MBNL2: variants seen among roughly 807,000 people sequenced by gnomAD.
MBNL2 encodes muscleblind like splicing regulator 2.
A neutral mutation model predicts 41.9 loss-of-function variants in MBNL2; 17 were observed. The ratio of observed to expected loss-of-function variants is 0.41; its 90% confidence interval spans 0.28 to 0.61. The LOEUF is 0.61. MBNL2 is among the 20% of genes least tolerant of loss of function. The probability of loss-of-function intolerance (pLI) is 0.35; values close to 1 mark genes in which losing one functional copy is unlikely to be tolerated. For synonymous variants in MBNL2, 195 were observed against 182.9 expected (o/e 1.07, Z -0.53); for missense variants, 336 against 505.6 (o/e 0.66, Z 3.22).
the MBNL2 span, among the ~76,000 whole-genome samples, chr13:97,204,046 C>T: frequency 1.3e-5 from 2 of 152,140 alleles, no homozygotes; most frequent in African/African-American, 4.8e-5. Flanking sequence ...TAGTTCAATC[C>T]TTTTTAAGTG....
chr13:97,223,495 T>C (rs2041115556), intron 1 of MBNL2, among the ~76,000 whole-genome samples: 1 of 152,342 alleles, frequency 6.6e-6, no homozygotes, highest in Middle Eastern at 3.4e-3. Flanking sequence ...GAAGCATGTG[T>C]TTACAATAAA....
chr13:97,256,583 T>C (rs1379805515), intron 1 of MBNL2, among the ~76,000 whole-genome samples: 2 of 152,200 alleles, frequency 1.3e-5, no homozygotes, highest in African/African-American at 4.8e-5. Flanking sequence ...AACCAAAATT[T>C]CCATGAGTAA....
At chr13:97,339,046 T>G (rs2061146838) in intron 3 of MBNL2, among the ~76,000 whole-genome samples, 1 of 149,816 alleles carries the variant, frequency 6.7e-6, no homozygotes, top group Non-Finnish European at 1.5e-5. Flanking sequence ...AGTGTATATG[T>G]GCAAGTGTGT....
At position 97,323,084 on chromosome 13, in the gene MBNL2, T is replaced by C. The variant is rs78175671; in HGVS notation, c.175-11192T>C. Among the ~76,000 whole-genome samples, 68 of 152,252 alleles carry C rather than the reference T, an allele frequency of 4.5e-4. 3 individuals carry two copies. The East Asian group carries it at 0.012, about 27-fold the overall frequency. Reference sequence around the variant, plus strand: ...TGTTTTCTACCTGAGATGGAAGTCATTTCCAGTGTTTAAGTAAAATGGCAC... The same window carrying C: ...TGTTTTCTACCTGAGATGGAAGTCACTTCCAGTGTTTAAGTAAAATGGCAC... On this transcript the variant is annotated intron_variant, in intron 2 of 8. Transcript: ENST00000679496.
chr13:97,226,016 T>C (rs971559554), intron 1 of MBNL2, among the ~76,000 whole-genome samples: 3 of 152,148 alleles, frequency 2.0e-5, no homozygotes, highest in Non-Finnish European at 2.9e-5. Context: ...TTTATACTCT[T>C]CTCAGTTTTT....
intron 1 of MBNL2, 97 bp from the exon 2 acceptor site, chr13:97,275,535 G>A: frequency 6.6e-6 from 1 of 152,080 alleles, no homozygotes; most frequent in Non-Finnish European, 1.5e-5. Flanking sequence ...GCTCTAAACT[G>A]TGCTTTTGCA....
At chr13:97,232,213 C>T (rs888506103) in intron 1 of MBNL2, among the ~76,000 whole-genome samples, 1 of 152,136 alleles carries the variant, frequency 6.6e-6, no homozygotes, top group Non-Finnish European at 1.5e-5. Context: ...GTCTGTCCTC[C>T]CTCCTTTCAG....
At chr13:97,361,901 C>G (rs1566441343) in intron 7 of MBNL2, among the ~76,000 whole-genome samples, 1 of 151,268 alleles carries the variant, frequency 6.6e-6, no homozygotes, top group Admixed American at 6.6e-5. Flanking sequence ...TTCCAAGTAG[C>G]TGGGGTTACA....
At chr13:97,249,087 A>C (rs1180603510) in intron 1 of MBNL2, among the ~76,000 whole-genome samples, 1 of 152,250 alleles carries the variant, frequency 6.6e-6, no homozygotes, top group Non-Finnish European at 1.5e-5. Flanking sequence ...TTTTAAAAAC[A>C]CATAATTTCT....
In MBNL2 at chr13:97,262,803, C is replaced by T. The variant is rs796520808; in HGVS notation, c.-604-12829C>T. 7.9e-5 allele frequency among the ~76,000 whole-genome samples: 12 copies of T among 152,030 alleles called. No homozygotes were observed. In the East Asian group the frequency reaches 1.7e-3, roughly 22 times the overall value. ...TTTTTGAGACAGAATCTCGCTCTGT[C>T]CCCAGACTGGAGTGCAGTGGCACGA... On this transcript the variant is annotated intron_variant, in intron 1 of 8. Transcript: ENST00000679496.
chr13:97,260,935 C>T (rs780181270), intron 1 of MBNL2, among the ~76,000 whole-genome samples: 2 of 152,036 alleles, frequency 1.3e-5, no homozygotes, highest in Non-Finnish European at 2.9e-5. Flanking sequence ...CCTTTAAAAA[C>T]ATTATCTCAA....
At chr13:97,204,931 T>C in the MBNL2 span, among the ~76,000 whole-genome samples, 1 of 151,938 alleles carries the variant, frequency 6.6e-6, no homozygotes, top group South Asian at 2.1e-4. Context: ...AAAATTCACT[T>C]TGGGAGGCTG....
chr13:97,150,297 A>C, the MBNL2 span, among the ~76,000 whole-genome samples: 3 of 152,204 alleles, frequency 2.0e-5, no homozygotes, highest in South Asian at 6.2e-4. Flanking sequence ...AGCCGAATTT[A>C]ACAAGATGAA....
Position 97,232,897 on chromosome 13 carries a change from G to A in MBNL2, c.-605+10366G>A, listed in dbSNP as rs191660466. On this transcript the variant is annotated intron_variant, in intron 1 of 8. Coordinates refer to ENST00000679496, the MANE Select transcript of MBNL2 (RefSeq NM_001382683.1). Reference sequence around the variant, plus strand: ...TGTGTGTGTGTGTGTGTGTGCGCACGTACACTGAATGAACTTAAACAACTT... The same window carrying A: ...TGTGTGTGTGTGTGTGTGTGCGCACATACACTGAATGAACTTAAACAACTT... 8.2e-5 allele frequency among the ~76,000 whole-genome samples: 12 copies of A among 146,132 alleles called. No individual in the cohort carries two copies. In the East Asian group the frequency reaches 1.0e-3, roughly 13 times the overall value.
the MBNL2 span, among the ~76,000 whole-genome samples, chr13:97,182,446 C>A: frequency 6.6e-6 from 1 of 152,182 alleles, no homozygotes; most frequent in East Asian, 1.9e-4. Context: ...CCTTCTCTTT[C>A]CTCTACCTTC....
rs896619910 is a variant in MBNL2 at position 97,256,116 on chromosome 13, T to TA, written c.-604-19508dup. 1.2e-4 allele frequency among the ~76,000 whole-genome samples: 18 copies of TA among 151,816 alleles called. No homozygotes were observed. In the South Asian group the frequency reaches 1.5e-3, roughly 12 times the overall value. Reference sequence around the variant, plus strand: ...TAAAAGGAGATAAAAGAAGACAAAATAAAAAAAATTATTGCAAGGCTGACA... The same window carrying TA: ...TAAAAGGAGATAAAAGAAGACAAAATAAAAAAAAATTATTGCAAGGCTGACA... On this transcript the variant is annotated intron_variant, in intron 1 of 8. Transcript: ENST00000679496.
rs1432996358 is a variant in MBNL2 at position 97,230,552 on chromosome 13, AG to A, written c.-605+8023del. Among the ~76,000 whole-genome samples the A allele has an allele frequency of 3.9e-5, 6 of 152,362 alleles. No individual in the cohort carries two copies. In the East Asian group the frequency reaches 1.2e-3, roughly 29 times the overall value. On this transcript the variant is annotated intron_variant, in intron 1 of 8. Transcript: ENST00000679496. ...ATTGGTGCTCACACCTCGTGAAAGA[AG>A]GCAGCGTGAACAGAGATAGGCAATG...
chr13:97,141,843 T>C, the MBNL2 span, among the ~76,000 whole-genome samples: 1 of 152,150 alleles, frequency 6.6e-6, no homozygotes, highest in Non-Finnish European at 1.5e-5. Flanking sequence ...CAGAGGCAGA[T>C]GGAAGGCAGA....
At chr13:97,351,835 C>T (rs1330836846) in intron 5 of MBNL2, among the ~76,000 whole-genome samples, 1 of 151,930 alleles carries the variant, frequency 6.6e-6, no homozygotes, top group Non-Finnish European at 1.5e-5. Flanking sequence ...ACCAGCCTGG[C>T]CAACATGGTG....
Sources: allele counts gnomAD v4.1 joint callset (sites outside exome capture counted in the v4.1 genomes callset), GRCh38; gene constraint gnomAD v4.1.1; transcripts MANE v1.5; gene names NCBI Gene and HGNC (gene_info 2026-07-23, HGNC 2026-07-21).